Variants in KCNK10 observed in about 807,000 individuals in gnomAD.
KCNK10 encodes potassium two pore domain channel subfamily K member 10, also known as potassium channel subfamily K member 10.
KCNK10 carries 25 observed loss-of-function variants against 47.7 expected under a neutral mutation model. The ratio of observed to expected loss-of-function variants is 0.52; its 90% CI spans 0.38 to 0.73. The LOEUF is 0.73. Among genes scored for constraint, KCNK10 ranks in the 30% least tolerant of loss-of-function variants. The pLI is 0.00. For synonymous variants in KCNK10, 303 were observed against 285.6 expected, an observed-to-expected ratio of 1.06 and a Z score of -0.61; for missense variants, 563 against 714.5, an observed-to-expected ratio of 0.79 and a Z score of 2.42.
intron 1 of KCNK10, among the ~76,000 whole-genome samples, chr14:88,306,760 AC>A (rs1308674949): frequency 6.6e-6 from 1 of 152,184 alleles, no homozygotes; most frequent in Non-Finnish European, 1.5e-5. Flanking sequence ...TGAAGACAAC[AC>A]AAGAAGGATG....
intron 2 of KCNK10, among the ~76,000 whole-genome samples, chr14:88,243,856 C>T (rs1886548566): frequency 6.6e-6 from 1 of 150,994 alleles, no homozygotes; most frequent in Non-Finnish European, 1.5e-5. Flanking sequence ...AGAGCAACTC[C>T]ATCTAGTATC....
chr14:88,206,182 G>T (rs1033552240), intron 4 of KCNK10, among the ~76,000 whole-genome samples: 37 of 152,258 alleles, frequency 2.4e-4, no homozygotes, highest in Admixed American at 2.2e-3. Context: ...AGTTACATGG[G>T]AGCCCCCTGG....
Position 88,322,998 on chromosome 14 carries a change from T to C in KCNK10, c.-200A>G. The C allele has an allele frequency of 7.1e-7, 1 of 1,398,882 alleles. No individual in the cohort carries two copies. The highest frequency in any genetic ancestry group is 2.7e-5 in the East Asian group (1 of 37,502). 86.7% of individuals were successfully genotyped at this position (1,398,882 alleles called of 1,614,324 possible). On this transcript the variant is annotated 5_prime_UTR_variant, in exon 1 of 7. Transcript: ENST00000319231. This position sits in a 1 kb window ranked among gnomAD's most constrained non-coding sequence, Gnocchi z 4.8. ...GGGAGAACTGGAGAGGGCTTGGGTG[T>C]TTGCACCGGCCAGGGGGTGGCCGGC...
intron 4 of KCNK10, among the ~76,000 whole-genome samples, chr14:88,195,403 G>A (rs1884879152): frequency 1.3e-5 from 2 of 152,176 alleles, no homozygotes; most frequent in Non-Finnish European, 2.9e-5. Context: ...TTGTTAACAG[G>A]CCATTTTAAT....
At chr14:88,281,727 CATATATATAT>C (rs10541410) in intron 1 of KCNK10, among the ~76,000 whole-genome samples, 5 of 141,720 alleles carry the variant, frequency 3.5e-5, no homozygotes, top group African/African-American at 1.4e-4. Flanking sequence ...TCTCTCTCTC[CATATATATAT>C]ATATATATAT....
Position 88,246,833 on chromosome 14 carries a change from C to T in KCNK10, c.403-6013G>A, listed in dbSNP as rs554548022. On this transcript the variant is annotated intron_variant, in intron 2 of 6. Coordinates refer to ENST00000319231, the MANE Select transcript of KCNK10 (RefSeq NM_138317.3). ...CTCATCTATAAAATGAGGACTAATA[C>T]CTTCCATACAAGGTTGTTGTCAGAG... Among the ~76,000 whole-genome samples the T allele has an allele frequency of 2.0e-5, 3 of 152,286 alleles. No individual in the cohort carries two copies. The East Asian group carries it at 5.8e-4, about 29-fold the overall frequency.
chr14:88,192,381 C>T lies in KCNK10; in HGVS notation c.711G>A (p.Arg237=). 5 of 1,613,896 alleles carry T rather than the reference C, an allele frequency of 3.1e-6. No homozygotes were observed. Among genetic ancestry groups the T allele is most frequent in the Non-Finnish European group, 4.2e-6 (5 of 1,179,930 alleles). ...AGATGAACAGGATGGTTGAGATGAC[C>T]CGGATCTTGGTCTGACTCACTTGCT... is the stretch of plus-strand genomic sequence containing the variant. ...RKKQVSQTKI[R]VISTILFILA... The change falls in exon 5 of 7, where the codon CGG becomes CGA. Residue 237 remains arginine (R), a synonymous_variant. Coordinates refer to ENST00000319231, the MANE Select transcript of KCNK10 (RefSeq NM_138317.3).
intron 1 of KCNK10, among the ~76,000 whole-genome samples, chr14:88,270,291 C>T (rs1426570303): frequency 6.6e-6 from 1 of 152,176 alleles, no homozygotes; most frequent in South Asian, 2.1e-4. Flanking sequence ...GATTCCACCT[C>T]GGGTGCTCCA....
intron 1 of KCNK10, among the ~76,000 whole-genome samples, chr14:88,308,362 C>T (rs865808738): frequency 6.6e-6 from 1 of 152,204 alleles, no homozygotes; most frequent in Non-Finnish European, 1.5e-5. Context: ...CTGCTGCTTC[C>T]TTAAGCCCTT....
Position 88,263,451 on chromosome 14 carries a change from G to A in KCNK10, c.153C>T (p.Ser51=), listed in dbSNP as rs758791676. 2.5e-6 allele frequency: 4 copies of A among 1,614,044 alleles called. No homozygotes were observed. The highest frequency in any genetic ancestry group is 4.5e-5 in the East Asian group (2 of 44,898). ...APTPTPRLSI[S]SRATVVARME... Reference sequence around the variant, plus strand: ...TCCTGGCTACCACTGTGGCTCGGGAGGAAATGGACAGGCGCGGAGTTGGAG... The same window carrying A: ...TCCTGGCTACCACTGTGGCTCGGGAAGAAATGGACAGGCGCGGAGTTGGAG... Residue 51 remains serine (S), a synonymous_variant, in exon 2 of 7, where the codon TCC becomes TCT. Coordinates refer to ENST00000319231, the MANE Select transcript of KCNK10 (RefSeq NM_138317.3).
chr14:88,220,307 C>A (rs1353186438), intron 4 of KCNK10, among the ~76,000 whole-genome samples: 2 of 147,662 alleles, frequency 1.4e-5, no homozygotes, highest in Non-Finnish European at 3.0e-5. Context: ...GTCCCAGCTA[C>A]TTGGGAGGCT....
intron 5 of KCNK10, among the ~76,000 whole-genome samples, chr14:88,188,358 C>T (rs1041391040): frequency 2.0e-5 from 3 of 152,194 alleles, no homozygotes; most frequent in Non-Finnish European, 2.9e-5. Context: ...AAATAAAAAA[C>T]GCCAGTGGCC....
chr14:88,314,917 G>C lies in KCNK10; in HGVS notation c.52+7830C>G, dbSNP rs536891914. 5.3e-5 allele frequency among the ~76,000 whole-genome samples: 8 copies of C among 152,266 alleles called. 1 individual carries two copies. The South Asian group carries it at 1.7e-3, about 32-fold the overall frequency. ...AGATACCAAGTCACAGAAAAATGAA[G>C]CAATGTTCCCAAATCAGCCTCTAGT... is the stretch of plus-strand genomic sequence containing the variant. On this transcript the variant is annotated intron_variant, in intron 1 of 6. Coordinates refer to ENST00000319231, the MANE Select transcript of KCNK10 (RefSeq NM_138317.3).
chr14:88,259,325 CTG>C (rs1335972886), intron 2 of KCNK10, among the ~76,000 whole-genome samples: 1 of 152,198 alleles, frequency 6.6e-6, no homozygotes, highest in African/African-American at 2.4e-5. Flanking sequence ...GTGAGAAAGA[CTG>C]TAGATAAACA....
intron 1 of KCNK10, among the ~76,000 whole-genome samples, chr14:88,302,883 C>G (rs1888132090): frequency 6.6e-6 from 1 of 152,098 alleles, no homozygotes; most frequent in Non-Finnish European, 1.5e-5. Flanking sequence ...AGGCGCTCCC[C>G]CTTCCTTTAA....
chr14:88,300,683 C>A (rs184436636), intron 1 of KCNK10, among the ~76,000 whole-genome samples: 1 of 152,116 alleles, frequency 6.6e-6, no homozygotes. Flanking sequence ...ATGAACCTGG[C>A]TCATCATAAG....
chr14:88,308,032 G>A (rs764531998), intron 1 of KCNK10, among the ~76,000 whole-genome samples: 35 of 152,090 alleles, frequency 2.3e-4, no homozygotes, highest in Middle Eastern at 3.2e-3. Flanking sequence ...GCCTAAGTTC[G>A]GCAGCTTGGG....
At chr14:88,284,533 C>G (rs1887721809) in intron 1 of KCNK10, among the ~76,000 whole-genome samples, 1 of 152,186 alleles carries the variant, frequency 6.6e-6, no homozygotes, top group South Asian at 2.1e-4. Flanking sequence ...CTGAGAGCCC[C>G]TGGCAAACCA....
At chr14:88,287,673 T>TGG (rs1201753122) in intron 1 of KCNK10, among the ~76,000 whole-genome samples, 9 of 108,374 alleles carry the variant, frequency 8.3e-5, no homozygotes, top group Non-Finnish European at 1.6e-4. Flanking sequence ...TAGTATTCCA[T>TGG]GGTGTGTGTG....
Sources: allele counts gnomAD v4.1 joint callset (sites outside exome capture counted in the v4.1 genomes callset), GRCh38; gene constraint gnomAD v4.1.1; non-coding constraint Gnocchi (gnomAD v3.1); transcripts MANE v1.5; gene names NCBI Gene and HGNC (gene_info 2026-07-23, HGNC 2026-07-21).